SPINK5: variants seen among roughly 807,000 people sequenced by gnomAD.
SPINK5 encodes serine protease inhibitor Kazal-type 5.
Under a neutral mutation model 151.8 loss-of-function variants are expected in SPINK5, and 125 were observed. The observed-to-expected ratio is 0.82, with a 90% CI of 0.71 to 0.96. SPINK5 has a LOEUF of 0.96. SPINK5 is among the 40% of genes least tolerant of loss of function. The pLI is 0.00. For missense variants in SPINK5, 1,194 were observed against 1,291.9 expected, an observed-to-expected ratio of 0.92 and a Z score of 1.16; for synonymous variants, 374 against 395.3, an observed-to-expected ratio of 0.95 and a Z score of 0.64.
chr5:148,086,384 C>T (rs766931877), intron 4 of SPINK5, 21 bp from the exon 5 acceptor site: 1 of 1,608,260 alleles, frequency 6.2e-7, no homozygotes, highest in Non-Finnish European at 8.5e-7. Context: ...TTTTGACGTT[C>T]CTTGATCATG....
chr5:148,137,095 T>G lies in SPINK5; in HGVS notation c.*104T>G. On this transcript the variant is annotated 3_prime_UTR_variant, in exon 33 of 33. Transcript: ENST00000256084. ...AAGAATTCTTCGGAGCTTGTCTTAT[T>G]TGCTATAGAAAACAATACAGAGCTT... is the stretch of plus-strand genomic sequence containing the variant. 4 of 1,478,042 alleles carry G rather than the reference T, an allele frequency of 2.7e-6. No individual in the cohort carries two copies. Among genetic ancestry groups the G allele is most frequent in the Non-Finnish European group, 3.8e-6 (4 of 1,058,114 alleles). The allele number at this position is 1,478,042 out of a possible 1,614,324, so 91.6% of individuals were successfully genotyped here. A position where few individuals can be genotyped will look rare whatever the true frequency, so the allele number is the denominator to read the frequency against.
chr5:148,130,874 C>T (rs1335627532), intron 30 of SPINK5, among the ~76,000 whole-genome samples: 1 of 152,048 alleles, frequency 6.6e-6, no homozygotes, highest in African/African-American at 2.4e-5. Context: ...GAGTATTTAC[C>T]TCTGAGTCTT....
intron 12 of SPINK5, 82 bp from the exon 13 acceptor site, chr5:148,100,372 T>A: frequency 7.1e-7 from 1 of 1,412,536 alleles, no homozygotes. Flanking sequence ...GTAACATTAG[T>A]TTCTGCCAAT....
intron 15 of SPINK5, among the ~76,000 whole-genome samples, chr5:148,103,537 C>T (rs1474138833): frequency 6.6e-6 from 1 of 152,082 alleles, no homozygotes; most frequent in African/African-American, 2.4e-5. Context: ...GAAAATGCTG[C>T]TTAAATGTTT....
At chr5:148,089,354 T>G in intron 6 of SPINK5, 140 bp from the exon 7 acceptor site, 1 of 1,068,632 alleles carries the variant, frequency 9.4e-7, no homozygotes, top group Non-Finnish European at 1.4e-6. Context: ...GAGTACTTAC[T>G]GAGCTACATC....
At chr5:148,074,110 T>C (rs986061963) in intron 4 of SPINK5, among the ~76,000 whole-genome samples, 1 of 151,836 alleles carries the variant, frequency 6.6e-6, no homozygotes, top group African/African-American at 2.4e-5. Context: ...AACAGAACAA[T>C]GTGCTGATTT....
At chr5:148,119,865 G>GTC in intron 24 of SPINK5, 144 bp from the exon 25 acceptor site, 1 of 809,866 alleles carries the variant, frequency 1.2e-6, no homozygotes, top group Non-Finnish European at 2.0e-6. Context: ...GAACATAGAC[G>GTC]TCTCTCTCTG....
Position 148,097,909 on chromosome 5 carries a change from C to T in SPINK5, c.925C>T (p.Leu309Phe), listed in dbSNP as rs1041809579. ...QYQNQAKNGILFCTRENDPIR... is the reference protein window; with the variant it reads ...QYQNQAKNGIFFCTRENDPIR... ...TCAAAATCAGGCAAAGAATGGAATA[C>T]TTTTCTGTACCAGAGAAAATGACCC... The change falls in exon 11 of 33, where the codon CTT becomes TTT. Residue 309 changes from leucine (L) to phenylalanine (F), a missense_variant. By Grantham distance (22) the Leu-to-Phe change is conservative (BLOSUM62 0). Coordinates refer to ENST00000256084, the MANE Select transcript of SPINK5 (RefSeq NM_006846.4). The T allele has an allele frequency of 3.1e-6, 5 of 1,612,146 alleles. No homozygotes were observed. The highest frequency in any genetic ancestry group is 4.2e-6 in the Non-Finnish European group (5 of 1,178,676).
At chr5:148,127,217 A>T (rs116803896) in intron 30 of SPINK5, 138 bp downstream of exon 30, 1 of 669,520 alleles carries the variant, frequency 1.5e-6, no homozygotes, top group Non-Finnish European at 2.6e-6. Context: ...TGAGGACTAT[A>T]TGCAGTTTAT....
intron 32 of SPINK5, among the ~76,000 whole-genome samples, chr5:148,136,180 T>C (rs983388018): frequency 6.6e-6 from 1 of 152,140 alleles, no homozygotes; most frequent in Non-Finnish European, 1.5e-5. Flanking sequence ...ATTATCTCAA[T>C]TAAAAGATGA....
intron 21 of SPINK5, among the ~76,000 whole-genome samples, chr5:148,115,484 T>C (rs1162222935): frequency 6.6e-6 from 1 of 152,032 alleles, no homozygotes; most frequent in Non-Finnish European, 1.5e-5. Context: ...TTGCTACTCA[T>C]GTAGAGGGAG....
At chr5:148,127,871 C>G (rs577164767) in intron 30 of SPINK5, among the ~76,000 whole-genome samples, 2 of 152,172 alleles carry the variant, frequency 1.3e-5, no homozygotes, top group Admixed American at 1.3e-4. Flanking sequence ...CTCTTCCTCT[C>G]TCTCGTAGCT....
intron 9 of SPINK5, among the ~76,000 whole-genome samples, chr5:148,095,008 G>A (rs1028245499): frequency 3.3e-5 from 5 of 151,694 alleles, no homozygotes; most frequent in East Asian, 1.9e-4. Flanking sequence ...TGACACTTTC[G>A]GCTTCTCTAG....
intron 29 of SPINK5, 90 bp downstream of exon 29, chr5:148,125,940 C>A: frequency 6.4e-7 from 1 of 1,572,692 alleles, no homozygotes; most frequent in South Asian, 1.1e-5. Context: ...TATTTATGAA[C>A]CCCATGGGAT....
Position 148,119,033 on chromosome 5 carries a change from A to G in SPINK5, c.2288A>G (p.Asn763Ser). The change falls in exon 24 of 33, where the codon AAT (asparagine) becomes AGT (serine). Residue 763 changes from asparagine (N) to serine (S), a missense_variant. Asn to Ser is a conservative substitution (Grantham distance 46). Transcript: ENST00000256084. Reference protein sequence around the residue: ...RKNEYSRSRSNGTGSESGKDT... With the variant: ...RKNEYSRSRSSGTGSESGKDT... ...AATGAGTATTCTCGCTCCAGATCAA[A>G]TGGGACTGGATCAGAATCAGGGAAG... The G allele has an allele frequency of 6.2e-7, 1 of 1,614,004 alleles. No individual in the cohort carries two copies. The highest frequency in any genetic ancestry group is 8.5e-7 in the Non-Finnish European group (1 of 1,179,916).
At chr5:148,089,815 A>G (rs1389827289) in intron 7 of SPINK5, among the ~76,000 whole-genome samples, 194 bp downstream of exon 7, 1 of 151,888 alleles carries the variant, frequency 6.6e-6, no homozygotes, top group Non-Finnish European at 1.5e-5. Flanking sequence ...TTAAAAGAAG[A>G]GAATAAGGTG....
intron 10 of SPINK5, among the ~76,000 whole-genome samples, chr5:148,096,511 T>C (rs1753465266): frequency 6.6e-6 from 1 of 152,026 alleles, no homozygotes; most frequent in Admixed American, 6.6e-5. Context: ...GAACAAAAAC[T>C]ATGGTTCCAC....
intron 15 of SPINK5, among the ~76,000 whole-genome samples, chr5:148,102,190 G>A (rs1048692295): frequency 6.6e-6 from 1 of 152,126 alleles, no homozygotes; most frequent in Non-Finnish European, 1.5e-5. Context: ...TCATAGTAGA[G>A]AGTAGGATGG....
In SPINK5 at chr5:148,086,779, A is replaced by C. The variant is rs72660253; in HGVS notation, c.410+247A>C. ...GTTATCACTTTATGAAGTAGACAGA[A>C]TAGGGAGATTATAGATTATATGTTC... On this transcript the variant is annotated intron_variant, in intron 5 of 32. Transcript: ENST00000256084. Among the ~76,000 whole-genome samples the C allele has an allele frequency of 0.061, 9,217 of 151,484 alleles. 474 individuals carry two copies. Among genetic ancestry groups the C allele is most frequent in the East Asian group, 0.25 (1,257 of 5,094 alleles).
Sources: gnomAD v4.1 joint callset for allele counts (sites outside exome capture counted in the v4.1 genomes callset) on GRCh38, gnomAD v4.1.1 for gene constraint, MANE v1.5 for transcripts, NCBI Gene and HGNC (gene_info 2026-07-23, HGNC 2026-07-21) for gene names.